PRAM1: variants seen among roughly 807,000 people sequenced by gnomAD.
The protein encoded by PRAM1 is PML-RARA regulated adaptor molecule 1.
PRAM1 carries 41 observed loss-of-function variants against 55.3 expected under a neutral mutation model. The observed-to-expected ratio is 0.74, with a 90% CI of 0.58 to 0.96. The LOEUF is 0.96. Ranked by LOEUF, PRAM1 falls within the 40% of genes least tolerant of loss-of-function variation. The pLI is 0.00. For synonymous variants in PRAM1, 401 were observed against 387.1 expected (o/e 1.04, Z -0.42); for missense variants, 898 against 892.7 (o/e 1.01, Z -0.08).
chr19:8,496,053 C>T (rs1429478865), intron 4 of PRAM1: 21 of 455,974 alleles, frequency 4.6e-5, no homozygotes, highest in South Asian at 3.3e-4. Context: ...CTGCAGGCCA[C>T]ACCTCCCCCT....
intron 4 of PRAM1, among the ~76,000 whole-genome samples, chr19:8,492,575 T>TA (rs1971645033): frequency 6.6e-6 from 1 of 152,224 alleles, no homozygotes; most frequent in South Asian, 2.1e-4. Context: ...GGTTCTACTG[T>TA]AATGAGATTT....
At position 8,499,088 on chromosome 19, in the gene PRAM1, G is replaced by A. The variant is rs760809096; in HGVS notation, c.720C>T (p.Ser240=). The change falls in exon 2 of 10, where the codon TCC becomes TCT. Residue 240 remains serine, a synonymous_variant. Coordinates refer to ENST00000423345, the MANE Select transcript of PRAM1 (RefSeq NM_032152.5). The part of the protein sequence containing the change: ...QPQVGGLPKK[S]VPQPEFSEAA... The stretch of plus-strand genomic sequence containing the variant: ...CCTCGCTGAACTCAGGCTGCGGCAC[G>A]GACTTCTTAGGGAGGCCACCGACCT... The A allele has an allele frequency of 1.7e-5, 27 of 1,613,510 alleles. No homozygotes were observed. The highest frequency in any genetic ancestry group is 2.0e-5 in the Non-Finnish European group (24 of 1,179,738).
Position 8,498,244 on chromosome 19 carries a change from C to T in PRAM1, c.1478G>A (p.Arg493Gln), listed in dbSNP as rs1295132314. ...RSAAGLHFQD[R>Q]QPEDIPQVPD... The stretch of plus-strand genomic sequence containing the variant: ...TCACTGCGGGATGTCTTCAGGCTGT[C>T]GGTCCTGGAAGTGGAGCCCAGCGGC... The change falls in exon 3 of 10, where the codon CGA (arginine) becomes CAA (glutamine). Residue 493 changes from arginine (R) to glutamine (Q), a missense_variant. Around this residue, in one of 4 missense-constraint regions of PRAM1, gnomAD observed 787 missense variants for 735.4 expected, o/e 1.07. Transcript: ENST00000423345. The T allele has an allele frequency of 6.2e-7, 1 of 1,612,666 alleles. No homozygotes were observed. The highest frequency in any genetic ancestry group is 8.5e-7 in the Non-Finnish European group (1 of 1,179,554).
At chr19:8,492,792 T>A (rs1971647592) in intron 4 of PRAM1, among the ~76,000 whole-genome samples, 1 of 151,358 alleles carries the variant, frequency 6.6e-6, no homozygotes, top group Non-Finnish European at 1.5e-5. Flanking sequence ...AGGTCAGGAG[T>A]TTGACAGCAG....
intron 4 of PRAM1, among the ~76,000 whole-genome samples, chr19:8,495,711 A>G (rs537194071): frequency 6.7e-6 from 1 of 148,320 alleles, no homozygotes; most frequent in Admixed American, 6.7e-5. Flanking sequence ...GGACGGATTT[A>G]AGGACAGATT....
chr19:8,495,760 C>T (rs949857164), intron 4 of PRAM1, among the ~76,000 whole-genome samples: 1 of 150,962 alleles, frequency 6.6e-6, no homozygotes, highest in African/African-American at 2.4e-5. Flanking sequence ...GATTTAGGGA[C>T]AGGCAGGCAA....
intron 1 of PRAM1, 65 bp downstream of exon 1, chr19:8,502,500 C>T: frequency 2.3e-6 from 2 of 854,498 alleles, no homozygotes; most frequent in Non-Finnish European, 3.4e-6. Context: ...GGATCCTATC[C>T]TTCTGGGAAC....
intron 4 of PRAM1, among the ~76,000 whole-genome samples, chr19:8,492,837 A>C (rs1474477992): frequency 2.0e-5 from 3 of 151,894 alleles, no homozygotes; most frequent in Admixed American, 2.0e-4. Flanking sequence ...TCTCTACTAA[A>C]AATACAAAAA....
Position 8,502,570 on chromosome 19 carries a change from C to A in PRAM1, c.22G>T (p.Ala8Ser), listed in dbSNP as rs1466717169. 2 of 1,549,506 alleles carry A rather than the reference C, an allele frequency of 1.3e-6. No individual in the cohort carries two copies. The highest frequency in any genetic ancestry group is 2.4e-5 in the East Asian group (1 of 40,870). The part of the protein sequence containing the change: MAHHLPA[A>S]MESHQDFRSI... The stretch of plus-strand genomic sequence containing the variant: ...AGGCCTCTTCCAGCACTCACCATGG[C>A]TGCAGGCAGGTGATGGGCCATGGGA... Residue 8 changes from alanine (A) to serine (S), a missense_variant, in exon 1 of 10, where the codon GCC (alanine) becomes TCC (serine). This residue lies in a region of PRAM1 where 79 missense variants were observed against 93.4 expected (regional missense o/e 0.85). Transcript: ENST00000423345.
chr19:8,500,390 T>A (rs1381471258), intron 1 of PRAM1, among the ~76,000 whole-genome samples: 1 of 151,872 alleles, frequency 6.6e-6, no homozygotes, highest in Non-Finnish European at 1.5e-5. Flanking sequence ...CCCCAACCAA[T>A]TGCCTGGATT....
In PRAM1 at chr19:8,490,741, C is replaced by T. The variant is rs373449981; in HGVS notation, c.1759G>A (p.Val587Met). 66 of 1,610,030 alleles carry T rather than the reference C, an allele frequency of 4.1e-5. No individual in the cohort carries two copies. Among genetic ancestry groups the T allele is most frequent in the African/African-American group, 1.5e-4 (11 of 74,904 alleles). The part of the protein sequence containing the change: ...RKKFKFEGEI[V>M]VHTKMMIDPN... Reference sequence around the variant, plus strand: ...TCGATCATCATCTTCGTGTGAACCACGATCTCCCCTTCAAACTGGGGCGCG... The same window carrying T: ...TCGATCATCATCTTCGTGTGAACCATGATCTCCCCTTCAAACTGGGGCGCG... The change falls in exon 7 of 10, where the codon GTG (valine) becomes ATG (methionine). Residue 587 changes from valine to methionine, a missense_variant. This residue lies in a region of PRAM1 where 787 missense variants were observed against 735.4 expected (regional missense o/e 1.07). Transcript: ENST00000423345. The surrounding 1 kb of genome is among the most constrained non-coding windows in gnomAD (Gnocchi z 7.3).
chr19:8,500,260 G>A (rs1356313226), intron 1 of PRAM1, among the ~76,000 whole-genome samples: 1 of 141,562 alleles, frequency 7.1e-6, no homozygotes, highest in African/African-American at 2.6e-5. Context: ...GGCTTGAGCC[G>A]CCGCGCCCAG....
intron 1 of PRAM1, among the ~76,000 whole-genome samples, chr19:8,501,485 A>G (rs893197406): frequency 1.5e-4 from 19 of 130,276 alleles, no homozygotes; most frequent in African/African-American, 5.5e-4. Flanking sequence ...ATACTATTTT[A>G]CATTGTTTTT....
intron 4 of PRAM1, 84 bp downstream of exon 4, chr19:8,497,680 T>C (rs1971717346): frequency 8.6e-7 from 1 of 1,166,706 alleles, no homozygotes; most frequent in Non-Finnish European, 1.2e-6. Context: ...TCCTAAAATG[T>C]TACTTGCTCT....
chr19:8,495,740 G>A (rs1431398014), intron 4 of PRAM1, among the ~76,000 whole-genome samples: 1 of 151,208 alleles, frequency 6.6e-6, no homozygotes, highest in Non-Finnish European at 1.5e-5. Context: ...TGCAGGGAGT[G>A]GAGCGTACAG....
Position 8,499,023 on chromosome 19 carries a change from G to A in PRAM1, c.785C>T (p.Pro262Leu), listed in dbSNP as rs1190571799. 1.9e-6 allele frequency: 3 copies of A among 1,613,686 alleles called. No homozygotes were observed. Among genetic ancestry groups the A allele is most frequent in the South Asian group, 2.2e-5 (2 of 91,082 alleles). The change falls in exon 2 of 10, where the codon CCG (proline) becomes CTG (leucine). Residue 262 changes from proline (P) to leucine (L), a missense_variant. Coordinates refer to ENST00000423345, the MANE Select transcript of PRAM1 (RefSeq NM_032152.5). ...GGGAAAGGCGCTGGAGTCGCGCTTC[G>A]GCTCGCTGGACTGAGGCTTCCAGAG... is the stretch of plus-strand genomic sequence containing the variant. ...TPLWKPQSSE[P>L]KRDSSAFPKK...
rs755129157 is a variant in PRAM1, at chr19:8,498,961, T to C, written c.847A>G (p.Lys283Glu). The C allele has an allele frequency of 3.1e-6, 5 of 1,613,816 alleles. No individual in the cohort carries two copies. Among genetic ancestry groups the C allele is most frequent in the Non-Finnish European group, 3.4e-6 (4 of 1,179,836 alleles). Residue 283 changes from lysine to glutamate, a missense_variant, in exon 2 of 10, where the codon AAG (lysine) becomes GAG (glutamate). This residue lies in a region of PRAM1 where 787 missense variants were observed against 735.4 expected (regional missense o/e 1.07). Coordinates refer to ENST00000423345, the MANE Select transcript of PRAM1 (RefSeq NM_032152.5). ...CCAAGCTCAGGCTGCGGAGGCTTCT[T>C]GGGAAAGTCACTCAGCGGAGGCTGG... is the stretch of plus-strand genomic sequence containing the variant. ...ASQPPLSDFP[K>E]KPPQPELGDL...
intron 4 of PRAM1, chr19:8,495,949 C>A: frequency 2.5e-6 from 1 of 401,422 alleles, no homozygotes; most frequent in South Asian, 1.8e-5. Flanking sequence ...AACTGTGGAG[C>A]TGGGCAGGAG....
chr19:8,498,959 C>T lies in PRAM1; in HGVS notation c.849G>A (p.Lys283=), dbSNP rs765281659. The change falls in exon 2 of 10, where the codon AAG becomes AAA. Residue 283 remains lysine, a synonymous_variant. Transcript: ENST00000423345. ...ASQPPLSDFP[K]KPPQPELGDL... ...CCCCAAGCTCAGGCTGCGGAGGCTT[C>T]TTGGGAAAGTCACTCAGCGGAGGCT... 1.2e-6 allele frequency: 2 copies of T among 1,613,744 alleles called. No homozygotes were observed. Among genetic ancestry groups the T allele is most frequent in the East Asian group, 2.2e-5 (1 of 44,844 alleles).
Sources: gnomAD v4.1 joint callset for allele counts (sites outside exome capture counted in the v4.1 genomes callset) on GRCh38, gnomAD v4.1.1 for gene constraint, gnomAD v4.1.1 regional missense constraint, Gnocchi (gnomAD v3.1) non-coding constraint, MANE v1.5 for transcripts, NCBI Gene and HGNC (gene_info 2026-07-23, HGNC 2026-07-21) for gene names.